KCNQ2: variants seen among roughly 807,000 people sequenced by gnomAD.
KCNQ2 encodes the protein potassium voltage-gated channel subfamily KQT member 2.
In KCNQ2, 14 loss-of-function variants were observed where a neutral mutation model predicts 84.8. That is an observed-to-expected ratio of 0.17 (90% CI 0.11 to 0.26). The LOEUF (loss-of-function observed/expected upper bound fraction) is 0.26. KCNQ2 is among the 10% of genes least tolerant of loss of function. KCNQ2 has a pLI of 1.00. For missense variants in KCNQ2, 788 were observed against 1,254.0 expected, an observed-to-expected ratio of 0.63 and a Z score of 5.61; for synonymous variants, 599 against 554.1, an observed-to-expected ratio of 1.08 and a Z score of -1.14.
At chr20:63,431,688 G>A (rs867837681) in intron 8 of KCNQ2, among the ~76,000 whole-genome samples, 5 of 152,212 alleles carry the variant, frequency 3.3e-5, no homozygotes, top group Admixed American at 6.5e-5. Flanking sequence ...ATCGAGGACC[G>A]CCAAGGGCTC....
At chr20:63,419,251 A>G (rs78962558) in intron 12 of KCNQ2, among the ~76,000 whole-genome samples, 2,725 of 149,842 alleles carry the variant, frequency 0.018, 84 homozygotes, top group African/African-American at 0.064. Context: ...AGGAAGGCTC[A>G]GTCATCCTCA....
chr20:63,445,526 G>A (rs2145780924), intron 2 of KCNQ2, 162 bp from the exon 3 acceptor site: 1 of 626,692 alleles, frequency 1.6e-6, no homozygotes, highest in Non-Finnish European at 2.7e-6. Context: ...TCCAGCCTCT[G>A]GGCAGGAAGG....
intron 5 of KCNQ2, among the ~76,000 whole-genome samples, chr20:63,440,471 C>A (rs2081127191): frequency 6.6e-6 from 1 of 152,204 alleles, no homozygotes; most frequent in Non-Finnish European, 1.5e-5. Flanking sequence ...CCCCGCCTGC[C>A]AGAACCGCAC....
At chr20:63,422,674 A>C (rs2080508869) in intron 11 of KCNQ2, 1 of 152,018 alleles carries the variant, frequency 6.6e-6, no homozygotes, top group Admixed American at 6.5e-5. Context: ...CAGACGAGAG[A>C]GGGGCCCGAG....
intron 1 of KCNQ2, among the ~76,000 whole-genome samples, chr20:63,452,199 CAT>C (rs72404019): frequency 0.35 from 53,629 of 151,956 alleles, 9,899 homozygotes; most frequent in South Asian, 0.48. Context: ...TAAAGCGTCT[CAT>C]GTGAAAACTG....
At chr20:63,427,180 C>T (rs988465055) in intron 10 of KCNQ2, among the ~76,000 whole-genome samples, 2 of 152,220 alleles carry the variant, frequency 1.3e-5, no homozygotes, top group Non-Finnish European at 2.9e-5. Context: ...CAAGATCGCA[C>T]CACTGCATTC....
chr20:63,446,903 G>C lies in KCNQ2; in HGVS notation c.297-66C>G. The stretch of plus-strand genomic sequence containing the variant: ...GGGCAGCAGCATGGCTGTGTCTCCA[G>C]AACTCAGGACCCCACTCCCCACCAG... On this transcript the variant is annotated intron_variant, in intron 1 of 16. Coordinates refer to ENST00000359125, the MANE Select transcript of KCNQ2 (RefSeq NM_172107.4). The surrounding 1 kb of genome is among the most constrained non-coding windows in gnomAD (Gnocchi z 5.5). 2 of 1,417,722 alleles carry C rather than the reference G, an allele frequency of 1.4e-6. No homozygotes were observed. The highest frequency in any genetic ancestry group is 2.0e-6 in the Non-Finnish European group (2 of 1,002,024). The allele number at this position is 1,417,722 out of a possible 1,614,324, so 87.8% of individuals were successfully genotyped here. A position where few individuals can be genotyped will look rare whatever the true frequency, so the allele number is the denominator to read the frequency against.
chr20:63,458,655 C>T (rs2081869655), intron 1 of KCNQ2, among the ~76,000 whole-genome samples: 1 of 152,188 alleles, frequency 6.6e-6, no homozygotes, highest in African/African-American at 2.4e-5. Context: ...CTCCCGGAGG[C>T]AGGACCCCAC....
At chr20:63,465,950 G>A (rs927301568) in intron 1 of KCNQ2, among the ~76,000 whole-genome samples, 4 of 152,150 alleles carry the variant, frequency 2.6e-5, no homozygotes, top group Non-Finnish European at 5.9e-5. Context: ...CTGCCGTCCC[G>A]AGGCGGCCCG....
chr20:63,433,306 A>AC (rs1168979437), intron 8 of KCNQ2: 1 of 202,362 alleles, frequency 4.9e-6, no homozygotes, highest in South Asian at 9.2e-5. Flanking sequence ...AACACCTGGG[A>AC]CCCCCAGGAT....
In KCNQ2 at chr20:63,472,406, G is replaced by C. The variant is rs868492349; in HGVS notation, c.58C>G (p.Leu20Val). 1.9e-6 allele frequency: 3 copies of C among 1,538,902 alleles called. No homozygotes were observed. In the African/African-American group the frequency reaches 4.2e-5, roughly 22 times the overall value. The change falls in exon 1 of 17, where the codon CTG (leucine) becomes GTG (valine). Residue 20 changes from leucine to valine, a missense_variant. By Grantham distance (32) the Leu-to-Val change is conservative (BLOSUM62 1). This residue lies in a region of KCNQ2 where 41 missense variants were observed against 41.2 expected (regional missense o/e 0.99). Transcript: ENST00000359125. ...VYPGPSGEKK[L>V]KVGFVGLDPG... ...TCCAGCCCCACGAAGCCCACCTTCA[G>C]CTTCTTCTCCCCGCTCGGGCCGGGG...
chr20:63,415,759 G>A (rs2080278175), intron 12 of KCNQ2, among the ~76,000 whole-genome samples: 1 of 152,172 alleles, frequency 6.6e-6, no homozygotes, highest in African/African-American at 2.4e-5. Flanking sequence ...CCAAACACCG[G>A]GGCTGTGGCT....
intron 10 of KCNQ2, among the ~76,000 whole-genome samples, chr20:63,427,278 G>A (rs1240947695): frequency 1.3e-5 from 2 of 152,266 alleles, no homozygotes; most frequent in African/African-American, 4.8e-5. Context: ...AATCAGGTGT[G>A]TGTGATTGCA....
At chr20:63,410,981 A>G (rs549231374) in intron 15 of KCNQ2, 9 of 456,160 alleles carry the variant, frequency 2.0e-5, no homozygotes, top group African/African-American at 1.6e-4. Context: ...GGGAGGCAAG[A>G]AGGCCTTGGA....
intron 1 of KCNQ2, among the ~76,000 whole-genome samples, chr20:63,456,191 G>A (rs555842842): frequency 7.9e-4 from 120 of 152,070 alleles, no homozygotes; most frequent in African/African-American, 2.7e-3. Flanking sequence ...CCACCTCCGG[G>A]AGACTCCTGT....
intron 12 of KCNQ2, among the ~76,000 whole-genome samples, chr20:63,419,148 G>T (rs547609952): frequency 6.6e-6 from 1 of 152,224 alleles, no homozygotes; most frequent in Non-Finnish European, 1.5e-5. Context: ...AGAGGGAGCC[G>T]CGGGCCTCTG....
Position 63,438,156 on chromosome 20 carries a change from C to T in KCNQ2, c.1023+469G>A. The T allele has an allele frequency of 4.6e-6, 1 of 217,020 alleles. No individual in the cohort carries two copies. Among genetic ancestry groups the T allele is most frequent in the Non-Finnish European group, 9.4e-6 (1 of 106,086 alleles). 13.4% of individuals were successfully genotyped at this position (217,020 alleles called of 1,614,324 possible). ...TGGCTCAGGAATTACTTGTGGATGC[C>T]ACAGTGGTCACTGCACGCTACCCAC... On this transcript the variant is annotated intron_variant, in intron 7 of 16. Coordinates refer to ENST00000359125, the MANE Select transcript of KCNQ2 (RefSeq NM_172107.4). The surrounding 1 kb of genome is among the most constrained non-coding windows in gnomAD (Gnocchi z 5.1).
intron 3 of KCNQ2, 31 bp from the exon 4 acceptor site, chr20:63,444,865 C>A: frequency 6.4e-7 from 1 of 1,559,034 alleles, no homozygotes; most frequent in Non-Finnish European, 8.7e-7. Context: ...TGGTGAGCTG[C>A]TGGGCCGCTC....
chr20:63,413,320 A>C, intron 15 of KCNQ2, 130 bp downstream of exon 15: 1 of 1,015,698 alleles, frequency 9.8e-7, no homozygotes, highest in South Asian at 1.4e-5. Flanking sequence ...AAGCTGACAG[A>C]GGCCGACGTG....
Sources: allele counts gnomAD v4.1 joint callset (sites outside exome capture counted in the v4.1 genomes callset), GRCh38; gene constraint gnomAD v4.1.1; regional missense constraint gnomAD v4.1.1; non-coding constraint Gnocchi (gnomAD v3.1); transcripts MANE v1.5; gene names NCBI Gene and HGNC (gene_info 2026-07-23, HGNC 2026-07-21).